WDPCP: variants seen among roughly 807,000 people sequenced by gnomAD.
WDPCP encodes the protein WD repeat containing planar cell polarity effector, also known as WD repeat-containing and planar cell polarity effector protein fritz homolog.
Under a neutral mutation model 93.1 loss-of-function variants are expected in WDPCP, and 71 were observed. The observed-to-expected ratio is 0.76, with a 90% CI of 0.63 to 0.93. The LOEUF is 0.93. Among genes scored for constraint, WDPCP ranks in the 40% least tolerant of loss-of-function variants. The probability of loss-of-function intolerance (pLI) is 0.00; values close to 1 mark genes in which losing one functional copy is unlikely to be tolerated. For synonymous variants in WDPCP, 315 were observed against 315.0 expected (o/e 1.00, Z 0.00); for missense variants, 844 against 887.4 (o/e 0.95, Z 0.62).
intron 1 of WDPCP, among the ~76,000 whole-genome samples, chr2:63,499,056 G>C (rs1203332967): frequency 6.6e-6 from 1 of 152,160 alleles, no homozygotes; most frequent in African/African-American, 2.4e-5. Context: ...TATGTTTACT[G>C]AGTCATAGAT....
In WDPCP at chr2:63,317,804, T is replaced by A. The variant is rs181110713; in HGVS notation, c.1749-4493A>T. ...GACTTAAATGTAAAACCCAAAACTA[T>A]AAAAACCTTAGAAGAAAACCTAGGA... On this transcript the variant is annotated intron_variant, in intron 12 of 17. Coordinates refer to ENST00000272321, the MANE Select transcript of WDPCP (RefSeq NM_015910.7). 2.3e-3 allele frequency among the ~76,000 whole-genome samples: 344 copies of A among 152,110 alleles called. 3 individuals are homozygous for A. Among genetic ancestry groups the A allele is most frequent in the Admixed American group, 5.5e-3 (84 of 15,282 alleles).
chr2:63,676,400 T>C (rs1710403905), intron 2 of WDPCP, among the ~76,000 whole-genome samples: 1 of 152,162 alleles, frequency 6.6e-6, no homozygotes, highest in African/African-American at 2.4e-5. Flanking sequence ...TTTGGGACTT[T>C]TAAAGGCTAT....
intron 3 of WDPCP, among the ~76,000 whole-genome samples, chr2:63,603,898 C>A (rs768144534): frequency 3.9e-5 from 6 of 152,218 alleles, no homozygotes; most frequent in Non-Finnish European, 8.8e-5. Flanking sequence ...CTCAGGTGAT[C>A]TGCCCGCCTT....
chr2:63,527,767 T>C (rs1319115326), intron 1 of WDPCP, among the ~76,000 whole-genome samples: 2 of 152,110 alleles, frequency 1.3e-5, no homozygotes, highest in Non-Finnish European at 2.9e-5. Context: ...ATGGTATTTC[T>C]AGTTCTAGAT....
intron 3 of WDPCP, among the ~76,000 whole-genome samples, chr2:63,640,070 G>A (rs1450352147): frequency 1.3e-5 from 2 of 152,092 alleles, no homozygotes; most frequent in South Asian, 2.1e-4. Context: ...GTGCAGTGGC[G>A]CGATCTCTGC....
At chr2:63,328,442 C>T (rs977288735) in intron 12 of WDPCP, among the ~76,000 whole-genome samples, 12 of 152,230 alleles carry the variant, frequency 7.9e-5, no homozygotes, top group East Asian at 1.9e-4. Context: ...CTGAAGTCCG[C>T]GAGACCACAA....
At chr2:63,293,452 C>T (rs1463704999) in intron 13 of WDPCP, among the ~76,000 whole-genome samples, 1 of 151,768 alleles carries the variant, frequency 6.6e-6, no homozygotes, top group African/African-American at 2.4e-5. Context: ...TATTAGATTC[C>T]AATGTCCAGT....
At chr2:63,243,433 T>C (rs953287934) in intron 14 of WDPCP, among the ~76,000 whole-genome samples, 24 of 152,178 alleles carry the variant, frequency 1.6e-4, no homozygotes, top group Non-Finnish European at 5.9e-5. Flanking sequence ...TAGGCCTTTG[T>C]TGTATGCATA....
intron 2 of WDPCP, among the ~76,000 whole-genome samples, chr2:63,722,296 C>A (rs1669429213): frequency 6.6e-6 from 1 of 151,510 alleles, no homozygotes; most frequent in Non-Finnish European, 1.5e-5. Flanking sequence ...GCACCTCTGC[C>A]CGGCCGCCAT....
chr2:63,585,977 A>G (rs955960455), intron 1 of WDPCP, among the ~76,000 whole-genome samples: 3 of 151,836 alleles, frequency 2.0e-5, no homozygotes, highest in Non-Finnish European at 2.9e-5. Flanking sequence ...CAGGTGCACA[A>G]CACCACACTC....
intron 2 of WDPCP, chr2:63,711,464 A>G (rs1318587994): frequency 6.6e-6 from 1 of 152,208 alleles, no homozygotes; most frequent in Non-Finnish European, 1.5e-5. Context: ...GGGTTACAGA[A>G]ATAGCTTCTA....
At chr2:63,362,052 ATCTTT>A (rs1290542754) in intron 12 of WDPCP, among the ~76,000 whole-genome samples, 50 of 152,252 alleles carry the variant, frequency 3.3e-4, no homozygotes, top group Middle Eastern at 6.8e-3. Context: ...CACCTCATTT[ATCTTT>A]TCTTTGTGTT....
intron 13 of WDPCP, among the ~76,000 whole-genome samples, chr2:63,295,089 C>G (rs987808206): frequency 6.6e-6 from 1 of 151,878 alleles, no homozygotes; most frequent in Non-Finnish European, 1.5e-5. Context: ...CAAATTATAG[C>G]CTTATAACTT....
At position 63,202,779 on chromosome 2, in the gene WDPCP, G is replaced by T. The variant is rs114215154; in HGVS notation, c.1916-27947C>A. On this transcript the variant is annotated intron_variant, in intron 14 of 17. Transcript: ENST00000272321. ...CAAGACTGCGCATCACATTACATTTGTCTGCATCTTTGTTTATCCTTTATT... is the reference window on the plus strand; with the variant it reads ...CAAGACTGCGCATCACATTACATTTTTCTGCATCTTTGTTTATCCTTTATT... 6.3e-3 allele frequency among the ~76,000 whole-genome samples: 952 copies of T among 152,134 alleles called. 7 individuals are homozygous for T. Among genetic ancestry groups the T allele is most frequent in the African/African-American group, 0.021 (892 of 41,502 alleles).
chr2:63,647,771 C>T (rs1710068104), intron 3 of WDPCP, among the ~76,000 whole-genome samples: 1 of 152,000 alleles, frequency 6.6e-6, no homozygotes, highest in South Asian at 2.1e-4. Flanking sequence ...GTAAAGGATA[C>T]AAGACCCTCT....
At chr2:63,663,463 G>A (rs531686924) in intron 2 of WDPCP, among the ~76,000 whole-genome samples, 126 of 152,324 alleles carry the variant, frequency 8.3e-4, no homozygotes, top group African/African-American at 2.7e-3. Flanking sequence ...GAATGCTGGC[G>A]TGGGTTGGCT....
chr2:63,564,487 T>C (rs1410863505), intron 1 of WDPCP: 1 of 152,156 alleles, frequency 6.6e-6, no homozygotes. Flanking sequence ...TTTCATCCAG[T>C]TGTTAATTCA....
chr2:63,831,683 GTA>G (rs146615119), upstream of WDPCP, among the ~76,000 whole-genome samples: 422 of 147,730 alleles, frequency 2.9e-3, 2 homozygotes, highest in Middle Eastern at 0.01. Context: ...ATTTGTGTGT[GTA>G]TATATATATA....
At chr2:63,780,151 C>A (rs184451799) in intron 2 of WDPCP, among the ~76,000 whole-genome samples, 1 of 152,118 alleles carries the variant, frequency 6.6e-6, no homozygotes, top group Non-Finnish European at 1.5e-5. Flanking sequence ...TAGCTCTGTG[C>A]CCTGCACTCA....
Sources: gnomAD v4.1 joint callset for allele counts (sites outside exome capture counted in the v4.1 genomes callset) on GRCh38, gnomAD v4.1.1 for gene constraint, MANE v1.5 for transcripts, NCBI Gene and HGNC (gene_info 2026-07-23, HGNC 2026-07-21) for gene names.